The following SLC60A1 variants were observed in gnomAD, a reference collection of about 807,000 sequenced individuals.
SLC60A1 encodes the protein solute carrier family 60 member 1, also known as major facilitator superfamily domain containing 4.
At chr1:205,582,292 C>T in the SLC60A1 span, among the ~76,000 whole-genome samples, 5 of 152,338 alleles carry the variant, frequency 3.3e-5, no homozygotes, top group South Asian at 8.3e-4. Flanking sequence ...GAAGTGCAGG[C>T]TGGAGGGACT....
the SLC60A1 span, chr1:205,581,048 A>G: frequency 7.8e-7 from 1 of 1,281,678 alleles, no homozygotes; most frequent in Non-Finnish European, 1.1e-6. The surrounding 1 kb of genome is among the most constrained non-coding windows in gnomAD (Gnocchi z 4.2). Context: ...TGCATCCCAG[A>G]GGCAGGAGGA....
chr1:205,586,101 C>A, the SLC60A1 span: 13 of 1,613,536 alleles, frequency 8.1e-6, no homozygotes, highest in Non-Finnish European at 1.0e-5. Flanking sequence ...CACAAGGTGG[C>A]TGGCTACCTC....
At chr1:205,582,453 G>T in the SLC60A1 span, among the ~76,000 whole-genome samples, 1 of 152,246 alleles carries the variant, frequency 6.6e-6, no homozygotes, top group Non-Finnish European at 1.5e-5. Flanking sequence ...TGACTTTTAA[G>T]GTGGGGCTGC....
the SLC60A1 span, among the ~76,000 whole-genome samples, chr1:205,588,091 C>T: frequency 6.6e-6 from 1 of 152,128 alleles, no homozygotes; most frequent in Non-Finnish European, 1.5e-5. Flanking sequence ...AGGGGAATTA[C>T]ATCATCCAGC....
the SLC60A1 span, chr1:205,586,067 G>A: frequency 6.2e-7 from 1 of 1,611,738 alleles, no homozygotes; most frequent in Non-Finnish European, 8.5e-7. Context: ...CAGCTATGCT[G>A]TGGAGAAGCC....
the SLC60A1 span, chr1:205,584,260 C>A: frequency 2.9e-6 from 3 of 1,032,594 alleles, no homozygotes; most frequent in Non-Finnish European, 4.0e-6. Context: ...TCACTCTCGT[C>A]GCCCAGGCTG....
chr1:205,586,274 A>G, the SLC60A1 span: 1 of 1,566,358 alleles, frequency 6.4e-7, no homozygotes, highest in Non-Finnish European at 8.7e-7. Context: ...TCCTGGCCCT[A>G]CCCCAGGACG....
the SLC60A1 span, among the ~76,000 whole-genome samples, chr1:205,582,353 T>C: frequency 6.6e-6 from 1 of 152,240 alleles, no homozygotes; most frequent in African/African-American, 2.4e-5. Flanking sequence ...TGTCTGAAAA[T>C]AAACAGTCCA....
chr1:205,577,092 G>C, the SLC60A1 span, among the ~76,000 whole-genome samples: 1 of 151,226 alleles, frequency 6.6e-6, no homozygotes, highest in East Asian at 1.9e-4. The surrounding 1 kb of genome is among the most constrained non-coding windows in gnomAD (Gnocchi z 5.2). Flanking sequence ...GCAGTGAACA[G>C]GACAGAGATG....
chr1:205,595,002 C>T, the SLC60A1 span: 1 of 152,216 alleles, frequency 6.6e-6, no homozygotes, highest in Non-Finnish European at 1.5e-5. Context: ...GAGGTGAGGA[C>T]CATGTACTAA....
chr1:205,586,111 C>T, the SLC60A1 span: 3 of 1,613,658 alleles, frequency 1.9e-6, no homozygotes, highest in Admixed American at 3.3e-5. Context: ...CTGGCTACCT[C>T]CCCAGCCTCT....
At chr1:205,584,149 C>G in the SLC60A1 span, 1 of 1,606,568 alleles carries the variant, frequency 6.2e-7, no homozygotes, top group East Asian at 2.2e-5. Flanking sequence ...AATCTGCATC[C>G]TCACAGCCTC....
the SLC60A1 span, among the ~76,000 whole-genome samples, chr1:205,577,488 G>C: frequency 6.6e-6 from 1 of 152,208 alleles, no homozygotes. This position sits in a 1 kb window ranked among gnomAD's most constrained non-coding sequence, Gnocchi z 5.2. Flanking sequence ...TGATGCTCGC[G>C]AGCATGTGGA....
At chr1:205,588,630 G>T in the SLC60A1 span, among the ~76,000 whole-genome samples, 4 of 152,172 alleles carry the variant, frequency 2.6e-5, no homozygotes, top group African/African-American at 9.7e-5. Flanking sequence ...GCAGCTGAGT[G>T]GCCCTGAGCA....
At chr1:205,577,955 G>A in the SLC60A1 span, among the ~76,000 whole-genome samples, 4 of 152,336 alleles carry the variant, frequency 2.6e-5, no homozygotes, top group Middle Eastern at 3.4e-3. This position sits in a 1 kb window ranked among gnomAD's most constrained non-coding sequence, Gnocchi z 5.2. Flanking sequence ...TCAGCAGACC[G>A]TAGTACTCGC....
chr1:205,590,885 G>C, the SLC60A1 span, among the ~76,000 whole-genome samples: 2 of 152,106 alleles, frequency 1.3e-5, no homozygotes, highest in Admixed American at 1.3e-4. Context: ...ACAGTTTACA[G>C]AGCCCCTTCA....
At chr1:205,597,610 G>A in the SLC60A1 span, 29 of 603,262 alleles carry the variant, frequency 4.8e-5, no homozygotes, top group Non-Finnish European at 9.0e-6. Flanking sequence ...TGCCCAGACT[G>A]GTCTTGAACT....
the SLC60A1 span, chr1:205,602,275 C>T: frequency 1.2e-4 from 18 of 152,768 alleles, no homozygotes; most frequent in African/African-American, 4.1e-4. Context: ...CTTCCTGGTC[C>T]AGTCAGCCAG....
chr1:205,584,871 T>A, the SLC60A1 span: 3 of 1,613,392 alleles, frequency 1.9e-6, no homozygotes, highest in South Asian at 3.3e-5. Flanking sequence ...CTGTGCCTCC[T>A]GCAGGGCATG....
Sources: allele counts gnomAD v4.1 joint callset (sites outside exome capture counted in the v4.1 genomes callset), GRCh38; gene constraint gnomAD v4.1.1; non-coding constraint Gnocchi (gnomAD v3.1); transcripts MANE v1.5; gene names NCBI Gene and HGNC (gene_info 2026-07-23, HGNC 2026-07-21).